LIG1: variants seen among roughly 807,000 people sequenced by gnomAD.
LIG1 encodes ligase I, DNA, ATP-dependent.
A neutral mutation model predicts 115.7 loss-of-function variants in LIG1; 70 were observed. That is an observed-to-expected ratio of 0.60 (90% confidence interval 0.50 to 0.74). The LOEUF (loss-of-function observed/expected upper bound fraction) is 0.74, where lower values mean the gene tolerates loss of function less well. Ranked by LOEUF, LIG1 falls within the 30% of genes least tolerant of loss-of-function variation. LIG1 has a pLI of 0.00. For missense variants in LIG1, 1,115 were observed against 1,225.6 expected (o/e 0.91, Z 1.35); for synonymous variants, 487 against 495.3 (o/e 0.98, Z 0.22).
intron 6 of LIG1, among the ~76,000 whole-genome samples, chr19:48,152,402 C>A (rs892739959): frequency 6.6e-6 from 1 of 152,208 alleles, no homozygotes; most frequent in African/African-American, 2.4e-5. Context: ...GGAGTACAGG[C>A]GTGAGCCACT....
chr19:48,119,451 T>C (rs2033110370), intron 24 of LIG1, among the ~76,000 whole-genome samples: 1 of 148,922 alleles, frequency 6.7e-6, no homozygotes, highest in Admixed American at 6.7e-5. Flanking sequence ...TTCCACTGTC[T>C]CCCTGGCCCC....
At chr19:48,165,481 G>C (rs1214500908) in intron 2 of LIG1, 69 bp downstream of exon 2, 1 of 1,224,654 alleles carries the variant, frequency 8.2e-7, no homozygotes, top group Non-Finnish European at 1.2e-6. Context: ...GTTTTTTTAA[G>C]TACAGATTTA....
chr19:48,121,955 G>A (rs156645), intron 23 of LIG1, among the ~76,000 whole-genome samples: 44,055 of 152,112 alleles, frequency 0.29, 7,759 homozygotes, highest in East Asian at 0.55. Flanking sequence ...TTTCCCATTC[G>A]TTCAGAAACG....
intron 9 of LIG1, among the ~76,000 whole-genome samples, chr19:48,147,995 T>C (rs913749195): frequency 7.9e-5 from 12 of 152,188 alleles, no homozygotes; most frequent in Non-Finnish European, 1.6e-4. Flanking sequence ...GGAGGCTCTT[T>C]ACCATGTGAC....
chr19:48,128,475 A>C (rs773883532), intron 19 of LIG1, among the ~76,000 whole-genome samples: 2 of 151,988 alleles, frequency 1.3e-5, no homozygotes, highest in Non-Finnish European at 2.9e-5. Context: ...TGATTCCCCA[A>C]AGCTGGGGGG....
At chr19:48,150,057 C>T (rs1299442466) in intron 8 of LIG1, 31 bp downstream of exon 8, 1 of 1,613,968 alleles carries the variant, frequency 6.2e-7, no homozygotes, top group Non-Finnish European at 8.5e-7. Flanking sequence ...CTGTACAACC[C>T]CGGGAGGTGG....
chr19:48,127,458 C>A (rs2033747604), intron 20 of LIG1, 110 bp from the exon 21 acceptor site: 3 of 1,005,148 alleles, frequency 3.0e-6, no homozygotes, highest in Admixed American at 1.7e-5. Context: ...ACCTAACTGG[C>A]TGCCCATCTG....
intron 16 of LIG1, among the ~76,000 whole-genome samples, 166 bp from the exon 17 acceptor site, chr19:48,134,232 C>T (rs1047066999): frequency 6.6e-5 from 10 of 152,350 alleles, no homozygotes; most frequent in Non-Finnish European, 2.9e-5. Context: ...GCTCTCCCTT[C>T]GTGTCACTAT....
rs1224171596 is a variant in LIG1, at chr19:48,133,029, C to T, written c.1678G>A (p.Glu560Lys). The change falls in exon 18 of 28, where the codon GAG (glutamate) becomes AAG (lysine). Residue 560 changes from glutamate to lysine, a missense_variant. Physicochemically the swap from Glu to Lys is moderately conservative, Grantham distance 56 (BLOSUM62 1). Transcript: ENST00000263274. ...GISEVLKRFEEAAFTCEYKYD... is the reference protein window; with the variant it reads ...GISEVLKRFEKAAFTCEYKYD... ...TTGTATTCGCAGGTGAAAGCTGCCT[C>T]CTCAAAGCGTTTCAGGACCTCGCTG... 2.5e-6 allele frequency: 4 copies of T among 1,613,968 alleles called. No individual in the cohort carries two copies. Among genetic ancestry groups the T allele is most frequent in the African/African-American group, 2.7e-5 (2 of 74,882 alleles).
At chr19:48,138,631 A>G (rs74641030) in intron 12 of LIG1, among the ~76,000 whole-genome samples, 1,646 of 152,316 alleles carry the variant, frequency 0.011, 24 homozygotes, top group African/African-American at 0.037. Context: ...GGGGGCCACA[A>G]GGCGGCACGG....
chr19:48,140,317 T>G (rs1378016520), intron 11 of LIG1, among the ~76,000 whole-genome samples, 174 bp from the exon 12 acceptor site: 5 of 152,218 alleles, frequency 3.3e-5, no homozygotes, highest in African/African-American at 1.2e-4. Context: ...CACAGATTGC[T>G]GGAGGTGAAA....
chr19:48,127,752 A>G (rs1177883497), intron 20 of LIG1, 158 bp downstream of exon 20: 2 of 765,602 alleles, frequency 2.6e-6, no homozygotes, highest in South Asian at 1.4e-5. Context: ...TGAGAATGCG[A>G]TGGCTGGAGC....
intron 19 of LIG1, among the ~76,000 whole-genome samples, chr19:48,128,469 T>C (rs1484913527): frequency 1.3e-5 from 2 of 152,132 alleles, no homozygotes; most frequent in Non-Finnish European, 2.9e-5. Context: ...TCCCCATGAT[T>C]CCCCAAAGCT....
At chr19:48,141,566 G>A (rs2034759488) in intron 11 of LIG1, among the ~76,000 whole-genome samples, 1 of 152,220 alleles carries the variant, frequency 6.6e-6, no homozygotes, top group Non-Finnish European at 1.5e-5. Flanking sequence ...GAGCGAGTAA[G>A]TATGAAGCTG....
chr19:48,125,555 C>T (rs1381533010), intron 21 of LIG1, among the ~76,000 whole-genome samples: 1 of 152,198 alleles, frequency 6.6e-6, no homozygotes, highest in African/African-American at 2.4e-5. Context: ...ACCAGACAGG[C>T]AGGCAAAAGA....
At chr19:48,160,204 C>A (rs870231) in intron 4 of LIG1, among the ~76,000 whole-genome samples, 2 of 152,104 alleles carry the variant, frequency 1.3e-5, no homozygotes, top group Admixed American at 1.3e-4. Context: ...TAAGCCACTG[C>A]GTTTGTGGTC....
At chr19:48,132,003 A>G (rs1458636750) in intron 18 of LIG1, among the ~76,000 whole-genome samples, 2 of 143,794 alleles carry the variant, frequency 1.4e-5, no homozygotes, top group Non-Finnish European at 3.0e-5. Flanking sequence ...TAGTGGCACG[A>G]TCTTGGCTCA....
chr19:48,167,136 C>T (rs1038300241), intron 1 of LIG1, among the ~76,000 whole-genome samples: 5 of 150,816 alleles, frequency 3.3e-5, no homozygotes, highest in African/African-American at 1.2e-4. Flanking sequence ...TGAGCCTTTC[C>T]TTCCATTATA....
intron 6 of LIG1, among the ~76,000 whole-genome samples, chr19:48,152,619 C>A (rs567487668): frequency 4.6e-5 from 7 of 152,214 alleles, no homozygotes; most frequent in African/African-American, 1.7e-4. Flanking sequence ...CTGGGCGCTG[C>A]AAGATATTTT....
Sources: gnomAD v4.1 joint callset for allele counts (sites outside exome capture counted in the v4.1 genomes callset) on GRCh38, gnomAD v4.1.1 for gene constraint, MANE v1.5 for transcripts, NCBI Gene and HGNC (gene_info 2026-07-23, HGNC 2026-07-21) for gene names.